GON4L: variants seen among roughly 807,000 people sequenced by gnomAD.
GON4L encodes gon-4 like, also known as GON-4-like protein.
In GON4L, 87 loss-of-function variants were observed where a neutral mutation model predicts 211.8. The ratio of observed to expected loss-of-function variants is 0.41; its 90% CI spans 0.35 to 0.49. The LOEUF (loss-of-function observed/expected upper bound fraction) is 0.49. Among genes scored for constraint, GON4L ranks in the 20% least tolerant of loss-of-function variants. GON4L has a pLI of 0.15. For missense variants in GON4L, 2,155 were observed against 2,659.5 expected, an observed-to-expected ratio of 0.81 and a Z score of 4.17; for synonymous variants, 875 against 962.6, an observed-to-expected ratio of 0.91 and a Z score of 1.68.
At chr1:155,767,267 G>A (rs1230179289) in intron 20 of GON4L, 158 bp downstream of exon 20, 6 of 1,528,936 alleles carry the variant, frequency 3.9e-6, no homozygotes, top group Admixed American at 2.1e-5. Context: ...ATCACCCAGA[G>A]AAGGGCAGAA....
chr1:155,840,357 C>G (rs183332309), intron 2 of GON4L, among the ~76,000 whole-genome samples: 4 of 152,310 alleles, frequency 2.6e-5, no homozygotes. Context: ...GTAACTATTA[C>G]TTACAGTAAC....
At chr1:155,789,714 GGCAAATAAAGTCATC>G (rs1665327853) in intron 12 of GON4L, among the ~76,000 whole-genome samples, 1 of 151,964 alleles carries the variant, frequency 6.6e-6, no homozygotes, top group Admixed American at 6.6e-5. Flanking sequence ...TGCATGATAA[GGCAAATAAAGTCATC>G]CCTCAGTATC....
upstream of GON4L, among the ~76,000 whole-genome samples, chr1:155,857,792 G>A (rs538594656): frequency 1.3e-5 from 2 of 152,186 alleles, no homozygotes; most frequent in Non-Finnish European, 2.9e-5. Context: ...AGGACCAAGG[G>A]ACTGAAGAAG....
chr1:155,856,806 T>C (rs1571964302), intron 1 of GON4L, among the ~76,000 whole-genome samples: 3 of 148,050 alleles, frequency 2.0e-5, no homozygotes, highest in African/African-American at 8.0e-5. Flanking sequence ...GAAAGACAGC[T>C]ACTTCAGCTC....
chr1:155,752,540 T>A lies in GON4L; in HGVS notation c.5893A>T (p.Thr1965Ser). 1 of 1,604,184 alleles carries A rather than the reference T, an allele frequency of 6.2e-7. No individual in the cohort carries two copies. Among genetic ancestry groups the A allele is most frequent in the Non-Finnish European group, 8.5e-7 (1 of 1,175,224 alleles). The change falls in exon 30 of 32, where the codon ACA (threonine) becomes TCA (serine). Residue 1965 changes from threonine (T) to serine (S), a missense_variant. Physicochemically the swap from Thr to Ser is moderately conservative, Grantham distance 58. Coordinates refer to ENST00000368331, the MANE Select transcript of GON4L (RefSeq NM_001282860.2). Reference sequence around the variant, plus strand: ...GGGCCATCCAGGAGGAGCCGTTCTGTAACAGTCACTTCTCGAGGGGATGGC... The same window carrying A: ...GGGCCATCCAGGAGGAGCCGTTCTGAAACAGTCACTTCTCGAGGGGATGGC... ...TLPSPREVTV[T>S]ERLLLDGPPP...
At position 155,773,346 on chromosome 1, in the gene GON4L, C is replaced by T. The variant is rs1663409198; in HGVS notation, c.2351-136G>A. 4 of 932,014 alleles carry T rather than the reference C, an allele frequency of 4.3e-6. No individual in the cohort carries two copies. The Admixed American group carries it at 7.4e-5, about 17-fold the overall frequency. 57.7% of individuals were successfully genotyped at this position (932,014 alleles called of 1,614,324 possible). On this transcript the variant is annotated intron_variant, in intron 17 of 31. Transcript: ENST00000368331. The stretch of plus-strand genomic sequence containing the variant: ...ATTCCCTCCCATCTGCCCACCATCC[C>T]CCCAAAAGTTTCCAGTCTTTCTTAA...
At chr1:155,819,247 G>C (rs751130207) in intron 6 of GON4L, among the ~76,000 whole-genome samples, 1 of 151,844 alleles carries the variant, frequency 6.6e-6, no homozygotes. Flanking sequence ...AGGTTGCAGT[G>C]AGCCAGAATT....
chr1:155,825,087 CTAG>C (rs1320310391), intron 3 of GON4L, among the ~76,000 whole-genome samples: 9 of 151,868 alleles, frequency 5.9e-5, no homozygotes, highest in Admixed American at 2.0e-4. Flanking sequence ...TCACTTGAAC[CTAG>C]GAGTTCAAAT....
At chr1:155,788,801 A>G (rs1259568690) in intron 12 of GON4L, among the ~76,000 whole-genome samples, 1 of 151,512 alleles carries the variant, frequency 6.6e-6, no homozygotes, top group Non-Finnish European at 1.5e-5. Context: ...TGTGATTAAG[A>G]AAAAAAAAGC....
intron 2 of GON4L, chr1:155,845,583 AC>A: frequency 3.4e-6 from 1 of 298,356 alleles, no homozygotes; most frequent in East Asian, 8.6e-5. Flanking sequence ...TTTTTAGCCC[AC>A]GATTATTTGA....
At chr1:155,825,129 C>T (rs1455629404) in intron 3 of GON4L, among the ~76,000 whole-genome samples, 1 of 151,486 alleles carries the variant, frequency 6.6e-6, no homozygotes, top group Non-Finnish European at 1.5e-5. Flanking sequence ...TGGCACTGAA[C>T]TTCCAGCCTG....
intron 19 of GON4L, among the ~76,000 whole-genome samples, chr1:155,769,206 C>A (rs1446608409): frequency 6.6e-6 from 1 of 151,988 alleles, no homozygotes; most frequent in African/African-American, 2.4e-5. Context: ...GAACTCCTGG[C>A]CTCAGGTCAT....
chr1:155,752,051 C>G lies in GON4L; in HGVS notation c.6382G>C (p.Gly2128Arg), dbSNP rs781584713. 12 of 1,613,674 alleles carry G rather than the reference C, an allele frequency of 7.4e-6. No homozygotes were observed. In the Admixed American group the frequency reaches 1.2e-4, roughly 16 times the overall value. ...TCTGCGGCCTTTGGCTGCTGCTCCC[C>G]CTCTGGACCCTTGGCCTGTGTTCCA... ...DSGTQAKGPE[G>R]EQQPKAAEAT... Residue 2128 changes from glycine to arginine, a missense_variant, in exon 30 of 32, where the codon GGG (glycine) becomes CGG (arginine). Transcript: ENST00000368331.
At chr1:155,796,962 A>C (rs890327562) in intron 11 of GON4L, among the ~76,000 whole-genome samples, 2 of 152,238 alleles carry the variant, frequency 1.3e-5, no homozygotes, top group Non-Finnish European at 2.9e-5. Flanking sequence ...CAAGTTGCAG[A>C]TGAAGACCAA....
At position 155,809,353 on chromosome 1, in the gene GON4L, A is replaced by AT. The variant is rs548394458; in HGVS notation, c.1453-4213dup. On this transcript the variant is annotated intron_variant, in intron 10 of 31. Coordinates refer to ENST00000368331, the MANE Select transcript of GON4L (RefSeq NM_001282860.2). The stretch of plus-strand genomic sequence containing the variant: ...AACAGACTAAGTTCCATGAAGAACA[A>AT]TTTTTTCTGTCTTCTACACTGTTGT... Among the ~76,000 whole-genome samples, 1,004 of 152,032 alleles carry AT rather than the reference A, an allele frequency of 6.6e-3. 10 individuals are homozygous for AT. Among genetic ancestry groups the AT allele is most frequent in the African/African-American group, 0.023 (952 of 41,478 alleles).
intron 23 of GON4L, 141 bp downstream of exon 23, chr1:155,762,048 CT>C (rs1182943877): frequency 1.6e-6 from 1 of 632,152 alleles, no homozygotes; most frequent in Non-Finnish European, 2.8e-6. Flanking sequence ...TCACAGAGAT[CT>C]TTTGCCAGAA....
At position 155,814,282 on chromosome 1, in the gene GON4L, T is replaced by C. The variant is rs540021315; in HGVS notation, c.1281+48A>G. ...AATCTACTTATACAGTTAAAAAATC[T>C]ACTTAGACAGTTATGTCTAACATCT... On this transcript the variant is annotated intron_variant, in intron 9 of 31. Transcript: ENST00000368331. 44 of 1,546,992 alleles carry C rather than the reference T, an allele frequency of 2.8e-5. No individual in the cohort carries two copies. In the East Asian group the frequency reaches 9.2e-4, roughly 32 times the overall value.
chr1:155,780,622 T>A (rs1042146527), intron 14 of GON4L, among the ~76,000 whole-genome samples: 6 of 151,810 alleles, frequency 4.0e-5, no homozygotes, highest in Non-Finnish European at 7.4e-5. Context: ...AATAAATAAA[T>A]AAAATAAATT....
At chr1:155,844,046 T>C (rs1472476684) in intron 2 of GON4L, among the ~76,000 whole-genome samples, 4 of 152,216 alleles carry the variant, frequency 2.6e-5, no homozygotes, top group African/African-American at 9.6e-5. Flanking sequence ...TATCCATTCA[T>C]AACCCCATAA....
Sources: gnomAD v4.1 joint callset for allele counts (sites outside exome capture counted in the v4.1 genomes callset) on GRCh38, gnomAD v4.1.1 for gene constraint, MANE v1.5 for transcripts, NCBI Gene and HGNC (gene_info 2026-07-23, HGNC 2026-07-21) for gene names.